ITGA4: variants seen among roughly 807,000 people sequenced by gnomAD.
ITGA4 encodes the protein integrin subunit alpha 4, also known as integrin alpha-4.
In ITGA4, 63 loss-of-function variants were observed where a neutral mutation model predicts 133.6. The ratio of observed to expected loss-of-function variants is 0.47; its 90% CI spans 0.38 to 0.58. ITGA4 has a LOEUF of 0.58. Among genes scored for constraint, ITGA4 ranks in the 20% least tolerant of loss-of-function variants. The pLI, the probability that ITGA4 is intolerant of heterozygous loss-of-function variation, is 0.00. For missense variants in ITGA4, 1,076 were observed against 1,252.7 expected, an observed-to-expected ratio of 0.86 and a Z score of 2.13; for synonymous variants, 483 against 438.0, an observed-to-expected ratio of 1.10 and a Z score of -1.28.
intron 10 of ITGA4, among the ~76,000 whole-genome samples, chr2:181,492,618 G>A (rs1574394442): frequency 6.6e-6 from 1 of 152,144 alleles, no homozygotes; most frequent in East Asian, 1.9e-4. Flanking sequence ...CATTTACTCA[G>A]GTTTTCTTAT....
chr2:181,512,649 A>G (rs1219920326), intron 17 of ITGA4, among the ~76,000 whole-genome samples: 2 of 152,032 alleles, frequency 1.3e-5, no homozygotes, highest in Non-Finnish European at 2.9e-5. Flanking sequence ...AAAAAGGGAG[A>G]CTTAATATTG....
Position 181,535,437 on chromosome 2 carries a change from C to T in ITGA4, c.3009C>T (p.Gly1003=). 1 of 1,603,928 alleles carries T rather than the reference C, an allele frequency of 6.2e-7. No individual in the cohort carries two copies. Among genetic ancestry groups the T allele is most frequent in the South Asian group, 1.1e-5 (1 of 89,642 alleles). ...TTATGTTATGCTATTTTCAGGCTGG[C>T]TTCTTTAAAAGACAATACAAATCTA... ...LLISYVMWKA[G]FFKRQYKSIL... Residue 1003 remains glycine (G), a synonymous_variant, in exon 28 of 28, where the codon GGC becomes GGT. Coordinates refer to ENST00000397033, the MANE Select transcript of ITGA4 (RefSeq NM_000885.6).
chr2:181,457,515 C>G lies in ITGA4; in HGVS notation c.-140C>G, dbSNP rs199866555. On this transcript the variant is annotated 5_prime_UTR_variant, in exon 1 of 28. Transcript: ENST00000397033. ...GGGCCGACTTCCCCTCCTCTTCCCT[C>G]TCTCCTTCCTTTAGCCCGCTGGCGC... 224 of 791,872 alleles carry G rather than the reference C, an allele frequency of 2.8e-4. No homozygotes were observed. The African/African-American group carries it at 3.6e-3, about 13-fold the overall frequency. The allele number at this position is 791,872 out of a possible 1,614,324, so 49.1% of individuals were successfully genotyped here.
rs55958305 is a variant in ITGA4, at chr2:181,523,231, C to CAT, written c.2074-198_2074-197dup. 52,246 of 431,648 alleles carry CAT rather than the reference C, an allele frequency of 0.12. 3,774 individuals carry two copies. The highest frequency in any genetic ancestry group is 0.22 in the East Asian group (5,279 of 24,252). The allele number at this position is 431,648 out of a possible 1,614,324, so 26.7% of individuals were successfully genotyped here. On this transcript the variant is annotated intron_variant, in intron 18 of 27. Coordinates refer to ENST00000397033, the MANE Select transcript of ITGA4 (RefSeq NM_000885.6). This position sits in a 1 kb window ranked among gnomAD's most constrained non-coding sequence, Gnocchi z 4.2. ...ACATATATACACACATATATACATA[C>CAT]ATATATATACACATACATATATACA... is the stretch of plus-strand genomic sequence containing the variant.
chr2:181,495,568 C>A lies in ITGA4; in HGVS notation c.1385+152C>A, dbSNP rs1226235507. 2 of 726,184 alleles carry A rather than the reference C, an allele frequency of 2.8e-6. No homozygotes were observed. The highest frequency in any genetic ancestry group is 5.2e-5 in the East Asian group (2 of 38,306). 45.0% of individuals were successfully genotyped at this position (726,184 alleles called of 1,614,324 possible). The stretch of plus-strand genomic sequence containing the variant: ...TTGATTTTTAGGGTATTTTTTTCAC[C>A]TTACAGAGATATAATTAAATCATCA... On this transcript the variant is annotated intron_variant, in intron 13 of 27. Transcript: ENST00000397033. The surrounding 1 kb of genome is among the most constrained non-coding windows in gnomAD (Gnocchi z 4.3).
intron 5 of ITGA4, 98 bp from the exon 6 acceptor site, chr2:181,480,039 T>A: frequency 1.3e-6 from 1 of 744,358 alleles, no homozygotes; most frequent in Non-Finnish European, 2.0e-6. Flanking sequence ...AGGAATTGAT[T>A]ATTATAAAAA....
At chr2:181,486,128 C>T in intron 10 of ITGA4, 136 bp downstream of exon 10, 5 of 1,156,998 alleles carry the variant, frequency 4.3e-6, no homozygotes, top group Non-Finnish European at 5.8e-6. Context: ...TTTTTCTTTT[C>T]TTTAGTGTTA....
intron 10 of ITGA4, among the ~76,000 whole-genome samples, chr2:181,490,498 TG>T (rs1686026746): frequency 1.4e-5 from 2 of 147,430 alleles, no homozygotes; most frequent in African/African-American, 5.0e-5. Context: ...TGTGTGTGTG[TG>T]TGTGTGTGTG....
At chr2:181,534,222 T>C (rs777103500) in intron 25 of ITGA4, 50 bp from the exon 26 acceptor site, 30 of 1,093,168 alleles carry the variant, frequency 2.7e-5, no homozygotes, top group Admixed American at 1.3e-4. Flanking sequence ...TGATAAATTA[T>C]GTCTTTATGA....
chr2:181,496,119 A>T (rs1381973032), intron 14 of ITGA4, among the ~76,000 whole-genome samples, 182 bp downstream of exon 14: 1 of 152,190 alleles, frequency 6.6e-6, no homozygotes, highest in East Asian at 1.9e-4. Context: ...CTAACCAATG[A>T]GTTGGGCACA....
At chr2:181,481,839 G>A (rs1246649022) in intron 7 of ITGA4, among the ~76,000 whole-genome samples, 156 bp downstream of exon 7, 1 of 152,114 alleles carries the variant, frequency 6.6e-6, no homozygotes, top group East Asian at 1.9e-4. Flanking sequence ...AAGATGTTAT[G>A]GTTTTAGAAG....
At chr2:181,480,841 GTCATC>G (rs941172969) in intron 6 of ITGA4, among the ~76,000 whole-genome samples, 4 of 152,090 alleles carry the variant, frequency 2.6e-5, no homozygotes, top group East Asian at 3.9e-4. Context: ...CCTCCTCACT[GTCATC>G]TCATAAGTCA....
Position 181,495,795 on chromosome 2 carries a change from A to G in ITGA4, c.1398A>G (p.Val466=). The change falls in exon 14 of 28, where the codon GTA becomes GTG. Residue 466 remains valine (V), a synonymous_variant. Transcript: ENST00000397033. The surrounding 1 kb of genome is among the most constrained non-coding windows in gnomAD (Gnocchi z 4.3). ...ATTTCCTTCTCAGGACAAGACCTGTAGTAATTGTTGACGCTTCTTTAAGCC... is the reference window on the plus strand; with the variant it reads ...ATTTCCTTCTCAGGACAAGACCTGTGGTAATTGTTGACGCTTCTTTAAGCC... ...DSAVLLRTRP[V]VIVDASLSHP... The G allele has an allele frequency of 6.2e-7, 1 of 1,613,726 alleles. No individual in the cohort carries two copies. The highest frequency in any genetic ancestry group is 8.5e-7 in the Non-Finnish European group (1 of 1,179,746).
chr2:181,534,168 G>C (rs750390640), intron 25 of ITGA4, 104 bp from the exon 26 acceptor site: 1 of 655,158 alleles, frequency 1.5e-6, no homozygotes, highest in Admixed American at 2.9e-5. Context: ...AAATAAATTG[G>C]GGAAGGTAAA....
Position 181,458,325 on chromosome 2 carries a change from G to T in ITGA4, c.319+8G>T. 6.2e-7 allele frequency: 1 copy of T among 1,609,448 alleles called. No individual in the cohort carries two copies. The highest frequency in any genetic ancestry group is 8.5e-7 in the Non-Finnish European group (1 of 1,177,882). ...GCGAACAGCTCCAGCTGGGTGAGTT[G>T]GGTATGGGACCAGGAGTTAGTGACC... On this transcript the variant is annotated splice_region_variant and intron_variant, in intron 2 of 27. Coordinates refer to ENST00000397033, the MANE Select transcript of ITGA4 (RefSeq NM_000885.6).
chr2:181,524,050 T>C, intron 19 of ITGA4, 121 bp from the exon 20 acceptor site: 1 of 641,624 alleles, frequency 1.6e-6, no homozygotes, highest in Non-Finnish European at 2.7e-6. Context: ...GAGTAGCTGA[T>C]GCCTTTACAA....
Position 181,537,584 on chromosome 2 carries a change from A to G in ITGA4, c.*2057A>G, listed in dbSNP as rs1433686360. The G allele has an allele frequency of 2.3e-6, 1 of 429,688 alleles. No individual in the cohort carries two copies. Among genetic ancestry groups the G allele is most frequent in the Non-Finnish European group, 4.6e-6 (1 of 217,394 alleles). The allele number at this position is 429,688 out of a possible 1,614,324, so 26.6% of individuals were successfully genotyped here. A position where few individuals can be genotyped will look rare whatever the true frequency, so the allele number is the denominator to read the frequency against. On this transcript the variant is annotated 3_prime_UTR_variant, in exon 28 of 28. Coordinates refer to ENST00000397033, the MANE Select transcript of ITGA4 (RefSeq NM_000885.6). ...ATCAAGGCAGACTTATGAAATCTGT[A>G]TTATATTTGTAACAGAATATAGGAA...
Position 181,527,339 on chromosome 2 carries a change from A to C in ITGA4, c.2382A>C (p.Glu794Asp), listed in dbSNP as rs761503192. ...CATTTGTGTATGGATCAAATGATGA[A>C]AATGAGCCTGAAACGTGCATGGTGG... is the stretch of plus-strand genomic sequence containing the variant. Reference protein sequence around the residue: ...PTSFVYGSNDENEPETCMVEK... With the variant: ...PTSFVYGSNDDNEPETCMVEK... Residue 794 changes from glutamate to aspartate, a missense_variant, in exon 22 of 28, where the codon GAA becomes GAC. By Grantham distance (45) the Glu-to-Asp change is conservative. Around this residue, in one of 4 missense-constraint regions of ITGA4, gnomAD observed 365 missense variants for 421.4 expected, o/e 0.87. Coordinates refer to ENST00000397033, the MANE Select transcript of ITGA4 (RefSeq NM_000885.6). 6.2e-7 allele frequency: 1 copy of C among 1,613,348 alleles called. No homozygotes were observed. Among genetic ancestry groups the C allele is most frequent in the Non-Finnish European group, 8.5e-7 (1 of 1,179,358 alleles).
chr2:181,507,794 C>T (rs528583074), intron 15 of ITGA4, among the ~76,000 whole-genome samples: 1 of 152,192 alleles, frequency 6.6e-6, no homozygotes, highest in South Asian at 2.1e-4. Flanking sequence ...AGCACTGATG[C>T]AACCATCCAT....
Sources: allele counts gnomAD v4.1 joint callset (sites outside exome capture counted in the v4.1 genomes callset), GRCh38; gene constraint gnomAD v4.1.1; regional missense constraint gnomAD v4.1.1; non-coding constraint Gnocchi (gnomAD v3.1); transcripts MANE v1.5; gene names NCBI Gene and HGNC (gene_info 2026-07-23, HGNC 2026-07-21).